The following ADAMTSL3 variants were observed in gnomAD, a reference collection of about 807,000 sequenced individuals.
ADAMTSL3 encodes the protein ADAMTS-like protein 3.
Under a neutral mutation model 201.7 loss-of-function variants are expected in ADAMTSL3, and 128 were observed. The observed-to-expected ratio is 0.63, with a 90% CI of 0.55 to 0.73. ADAMTSL3 has a LOEUF of 0.73. Ranked by LOEUF, ADAMTSL3 falls within the 30% of genes least tolerant of loss-of-function variation. The pLI is 0.00. For missense variants in ADAMTSL3, 1,990 were observed against 2,119.6 expected, an observed-to-expected ratio of 0.94 and a Z score of 1.20; for synonymous variants, 738 against 748.4, an observed-to-expected ratio of 0.99 and a Z score of 0.23.
chr15:83,998,638 A>C (rs1231317617), intron 23 of ADAMTSL3, among the ~76,000 whole-genome samples: 1 of 152,074 alleles, frequency 6.6e-6, no homozygotes, highest in Non-Finnish European at 1.5e-5. Flanking sequence ...GATGGAAATG[A>C]CTCAGGTCTT....
At chr15:84,022,574 G>A (rs1235626416) in intron 26 of ADAMTSL3, among the ~76,000 whole-genome samples, 2 of 152,142 alleles carry the variant, frequency 1.3e-5, no homozygotes, top group East Asian at 3.8e-4. Context: ...GATGCCATGT[G>A]CAATTTACAC....
intron 5 of ADAMTSL3, among the ~76,000 whole-genome samples, chr15:83,807,939 A>G (rs888636073): frequency 6.6e-6 from 1 of 152,262 alleles, no homozygotes; most frequent in African/African-American, 2.4e-5. Flanking sequence ...ATCTATATGC[A>G]GAAGAATAAA....
At chr15:84,014,519 T>C (rs1281900582) in intron 23 of ADAMTSL3, 23 bp from the exon 24 acceptor site, 1 of 1,605,062 alleles carries the variant, frequency 6.2e-7, no homozygotes, top group Non-Finnish European at 8.5e-7. Context: ...ATTGCCTTTG[T>C]CATATTTGTT....
At chr15:83,777,499 G>A (rs913449059) in intron 4 of ADAMTSL3, among the ~76,000 whole-genome samples, 45 of 152,160 alleles carry the variant, frequency 3.0e-4, no homozygotes, top group African/African-American at 1.1e-3. Flanking sequence ...GGTATTGGGA[G>A]CTGAGTGTTG....
At chr15:83,701,404 A>T (rs902908097) in intron 2 of ADAMTSL3, among the ~76,000 whole-genome samples, 1 of 152,182 alleles carries the variant, frequency 6.6e-6, no homozygotes, top group Non-Finnish European at 1.5e-5. Flanking sequence ...TCCCCTAAAG[A>T]GGGTGTCCTT....
At chr15:83,700,914 A>G (rs1169481810) in intron 2 of ADAMTSL3, among the ~76,000 whole-genome samples, 1 of 152,254 alleles carries the variant, frequency 6.6e-6, no homozygotes, top group Non-Finnish European at 1.5e-5. Context: ...CATCTAGTCT[A>G]GTGGAGTTAT....
intron 3 of ADAMTSL3, among the ~76,000 whole-genome samples, chr15:83,718,724 A>T (rs1007601315): frequency 6.6e-6 from 1 of 151,710 alleles, no homozygotes; most frequent in Non-Finnish European, 1.5e-5. Flanking sequence ...ACAAAATTTG[A>T]GCATCAATAA....
At chr15:83,973,856 T>A (rs1024565582) in intron 20 of ADAMTSL3, among the ~76,000 whole-genome samples, 4 of 152,174 alleles carry the variant, frequency 2.6e-5, no homozygotes, top group Non-Finnish European at 5.9e-5. Context: ...TGAACTTTAT[T>A]TTCTACCAAG....
intron 14 of ADAMTSL3, among the ~76,000 whole-genome samples, chr15:83,899,119 C>A (rs2065674034): frequency 6.6e-6 from 1 of 152,148 alleles, no homozygotes; most frequent in African/African-American, 2.4e-5. Context: ...GGAAGGGGGG[C>A]AACAGTTTGT....
chr15:83,850,527 T>C (rs746225330), intron 7 of ADAMTSL3, among the ~76,000 whole-genome samples: 2 of 150,658 alleles, frequency 1.3e-5, no homozygotes, highest in Non-Finnish European at 3.0e-5. Context: ...TATATATATA[T>C]ATAGAACACT....
At position 83,923,930 on chromosome 15, in the gene ADAMTSL3, T is replaced by G; in HGVS notation, c.2014T>G (p.Leu672Val). ...GGHQEAIAVC[L>V]HIQTQQTVND... Reference sequence around the variant, plus strand: ...CCATCAAGAAGCCATAGCAGTGTGCTTACATATCCAGACCCAGCAGACAGT... The same window carrying G: ...CCATCAAGAAGCCATAGCAGTGTGCGTACATATCCAGACCCAGCAGACAGT... The change falls in exon 17 of 30, where the codon TTA (leucine) becomes GTA (valine). Residue 672 changes from leucine to valine, a missense_variant. Leu to Val is a conservative substitution (Grantham distance 32). Coordinates refer to ENST00000286744, the MANE Select transcript of ADAMTSL3 (RefSeq NM_207517.3). 1.2e-6 allele frequency: 2 copies of G among 1,614,200 alleles called. No homozygotes were observed. Among genetic ancestry groups the G allele is most frequent in the Non-Finnish European group, 1.7e-6 (2 of 1,179,998 alleles).
rs368176543 is a variant in ADAMTSL3 at position 84,002,936 on chromosome 15, CTTTTTT to C, written c.3974-11592_3974-11587del. ...TTTTTTCTTTCTTTTCTTTTCTTTT[CTTTTTT>C]TTTTTTTTTTTTTGGCTTAGAGACA... On this transcript the variant is annotated intron_variant, in intron 23 of 29. Transcript: ENST00000286744. Among the ~76,000 whole-genome samples the C allele has an allele frequency of 2.9e-3, 286 of 99,994 alleles. 2 individuals are homozygous for C. Among genetic ancestry groups the C allele is most frequent in the Admixed American group, 0.017 (128 of 7,754 alleles). The allele number at this position is 99,994 out of a possible 152,430, so 65.6% of individuals were successfully genotyped here.
At chr15:83,677,930 T>G (rs2061428375) in intron 2 of ADAMTSL3, among the ~76,000 whole-genome samples, 1 of 143,832 alleles carries the variant, frequency 7.0e-6, no homozygotes, top group South Asian at 2.5e-4. Context: ...TCTATGGGAG[T>G]TTTCATTTTC....
chr15:83,727,149 A>T (rs1052001178), intron 3 of ADAMTSL3, among the ~76,000 whole-genome samples: 6 of 149,882 alleles, frequency 4.0e-5, no homozygotes, highest in Admixed American at 6.7e-5. Context: ...GAATTTATCC[A>T]TTTTTTTTTC....
At position 83,913,227 on chromosome 15, in the gene ADAMTSL3, C is replaced by T; in HGVS notation, c.1836C>T (p.Pro612=). 1 of 1,614,034 alleles carries T rather than the reference C, an allele frequency of 6.2e-7. No individual in the cohort carries two copies. Residue 612 remains proline (P), a synonymous_variant, in exon 16 of 30, where the codon CCC becomes CCT. Coordinates refer to ENST00000286744, the MANE Select transcript of ADAMTSL3 (RefSeq NM_207517.3). ...TGCCCGAGGAAGAGTGTGAAGGCCC[C>T]AAGCTGCCCACCGAACGGCCCTGCC... ...TELPEEECEG[P]KLPTERPCLL...
At chr15:83,820,206 T>C (rs2063839645) in intron 6 of ADAMTSL3, among the ~76,000 whole-genome samples, 159 bp downstream of exon 6, 2 of 152,298 alleles carry the variant, frequency 1.3e-5, no homozygotes, top group African/African-American at 4.8e-5. Context: ...TTTGTATTTT[T>C]ATACAGCAAA....
At chr15:83,844,813 G>A (rs1358302690) in intron 7 of ADAMTSL3, among the ~76,000 whole-genome samples, 2 of 152,204 alleles carry the variant, frequency 1.3e-5, no homozygotes, top group Non-Finnish European at 2.9e-5. Flanking sequence ...GCAAAGGAAT[G>A]TCATAGATTG....
intron 28 of ADAMTSL3, among the ~76,000 whole-genome samples, chr15:84,032,017 C>T (rs2068418495): frequency 1.3e-5 from 2 of 152,120 alleles, no homozygotes; most frequent in African/African-American, 4.8e-5. Flanking sequence ...TCTGGCAGCT[C>T]TACCATCCAA....
At chr15:83,802,259 T>C (rs2063535888) in intron 4 of ADAMTSL3, among the ~76,000 whole-genome samples, 1 of 152,140 alleles carries the variant, frequency 6.6e-6, no homozygotes, top group African/African-American at 2.4e-5. Context: ...TACTTCTAAA[T>C]ATGTATTGTA....
Sources: gnomAD v4.1 joint callset for allele counts (sites outside exome capture counted in the v4.1 genomes callset) on GRCh38, gnomAD v4.1.1 for gene constraint, MANE v1.5 for transcripts, NCBI Gene and HGNC (gene_info 2026-07-23, HGNC 2026-07-21) for gene names.